Variants in CHD9 observed in about 807,000 individuals in gnomAD.
The protein encoded by CHD9 is ATP-dependent chromatin remodeler CHD9.
In CHD9, 77 loss-of-function variants were observed where a neutral mutation model predicts 316.1. The observed-to-expected ratio is 0.24, with a 90% CI of 0.20 to 0.29. The LOEUF (loss-of-function observed/expected upper bound fraction) is 0.29, where lower values mean the gene tolerates loss of function less well. CHD9 is among the 10% of genes least tolerant of loss of function. CHD9 has a pLI of 1.00. For synonymous variants in CHD9, 1,129 were observed against 1,158.3 expected (o/e 0.97, Z 0.51); for missense variants, 2,763 against 3,438.1 (o/e 0.80, Z 4.91).
chr16:53,213,548 G>A (rs1338453151), intron 3 of CHD9, among the ~76,000 whole-genome samples: 1 of 152,080 alleles, frequency 6.6e-6, no homozygotes, highest in Non-Finnish European at 1.5e-5. Context: ...CAGAAATGGA[G>A]GCTAATCCAT....
At chr16:53,287,861 T>C in intron 26 of CHD9, 96 bp from the exon 27 acceptor site, 5 of 1,031,900 alleles carry the variant, frequency 4.8e-6, no homozygotes, top group Non-Finnish European at 7.6e-6. Flanking sequence ...AGTCTGACTT[T>C]TAAAACAAAC....
intron 36 of CHD9, among the ~76,000 whole-genome samples, chr16:53,315,556 T>C (rs574939349): frequency 1.3e-5 from 2 of 152,156 alleles, no homozygotes; most frequent in East Asian, 3.9e-4. Flanking sequence ...TCGGCTCACT[T>C]CAACCTCTGC....
chr16:53,153,760 C>G (rs2152741183), intron 1 of CHD9, among the ~76,000 whole-genome samples: 1 of 152,168 alleles, frequency 6.6e-6, no homozygotes, highest in Non-Finnish European at 1.5e-5. Flanking sequence ...TGGTCTCGAA[C>G]TCCTGGGCTT....
intron 1 of CHD9, among the ~76,000 whole-genome samples, chr16:53,105,394 A>G (rs959133128): frequency 1.3e-5 from 2 of 152,118 alleles, no homozygotes; most frequent in African/African-American, 4.8e-5. Flanking sequence ...TTGTGGTAGC[A>G]TACACTTATT....
Position 53,286,152 on chromosome 16 carries a change from T to TA in CHD9, c.5072-73dup, listed in dbSNP as rs1389065893. 4 of 721,464 alleles carry TA rather than the reference T, an allele frequency of 5.5e-6. No homozygotes were observed. The Admixed American group carries it at 9.8e-5, about 18-fold the overall frequency. The allele number at this position is 721,464 out of a possible 1,614,324, so 44.7% of individuals were successfully genotyped here. ...GTCCAGAAATATCATCCACTGTAAA[T>TA]ACGAGGAATGCTTATATGTATACAC... On this transcript the variant is annotated intron_variant, in intron 25 of 38. Coordinates refer to ENST00000447540, the MANE Select transcript of CHD9 (RefSeq NM_001308319.2).
At chr16:53,149,694 G>A (rs2040931056) in intron 1 of CHD9, among the ~76,000 whole-genome samples, 1 of 145,806 alleles carries the variant, frequency 6.9e-6, no homozygotes, top group Admixed American at 6.8e-5. Flanking sequence ...GACTATAGGT[G>A]TGCACCATCA....
intron 1 of CHD9, among the ~76,000 whole-genome samples, chr16:53,081,551 A>G (rs1380545718): frequency 6.6e-6 from 1 of 152,144 alleles, no homozygotes; most frequent in African/African-American, 2.4e-5. Context: ...CTCTATCCAC[A>G]GTGCCAAGCA....
chr16:53,309,285 A>G (rs2056257234), intron 34 of CHD9, among the ~76,000 whole-genome samples: 1 of 152,216 alleles, frequency 6.6e-6, no homozygotes, highest in Admixed American at 6.5e-5. Context: ...CTTAGGGAAT[A>G]CTTACAGAAA....
intron 1 of CHD9, among the ~76,000 whole-genome samples, chr16:53,076,439 G>A (rs149855833): frequency 2.1e-4 from 32 of 152,186 alleles, no homozygotes; most frequent in Non-Finnish European, 4.0e-4. Context: ...GTCAGGCATG[G>A]TGGCAGGCGC....
At chr16:53,183,953 C>CT (rs1024896981) in intron 2 of CHD9, among the ~76,000 whole-genome samples, 8 of 142,356 alleles carry the variant, frequency 5.6e-5, no homozygotes, top group South Asian at 4.4e-4. Context: ...TTTTTTTTTT[C>CT]TTTTTTTTTG....
At chr16:53,202,855 T>C (rs2045580596) in intron 2 of CHD9, among the ~76,000 whole-genome samples, 2 of 152,182 alleles carry the variant, frequency 1.3e-5, no homozygotes, top group Non-Finnish European at 2.9e-5. Flanking sequence ...ACCTTTTAAT[T>C]TGTGAGCATG....
chr16:53,269,996 G>C (rs930926770), intron 22 of CHD9, among the ~76,000 whole-genome samples: 2 of 151,838 alleles, frequency 1.3e-5, no homozygotes, highest in African/African-American at 4.8e-5. Context: ...GTGGGGTCTG[G>C]GGACTTTATT....
chr16:53,232,618 T>C (rs1221918139), intron 10 of CHD9, among the ~76,000 whole-genome samples: 1 of 152,176 alleles, frequency 6.6e-6, no homozygotes, highest in Non-Finnish European at 1.5e-5. Flanking sequence ...GTAAAGTATT[T>C]TGAGATTCTG....
At chr16:53,291,558 A>G (rs1204783142) in intron 27 of CHD9, among the ~76,000 whole-genome samples, 167 bp from the exon 28 acceptor site, 1 of 152,232 alleles carries the variant, frequency 6.6e-6, no homozygotes, top group Non-Finnish European at 1.5e-5. Context: ...TGAAAGGATG[A>G]GAATTGAGAA....
intron 1 of CHD9, among the ~76,000 whole-genome samples, chr16:53,138,731 G>T (rs1421067): frequency 0.27 from 41,761 of 152,070 alleles, 5,830 homozygotes; most frequent in Middle Eastern, 0.29. Flanking sequence ...AGAGCCATTT[G>T]GATTTGTCTA....
chr16:53,153,051 A>G (rs1333232958), intron 1 of CHD9, among the ~76,000 whole-genome samples: 1 of 152,220 alleles, frequency 6.6e-6, no homozygotes, highest in Non-Finnish European at 1.5e-5. Flanking sequence ...ACTACATCAA[A>G]TGCTGCTGAT....
At chr16:53,178,037 A>C (rs141973359) in intron 2 of CHD9, among the ~76,000 whole-genome samples, 14 of 152,344 alleles carry the variant, frequency 9.2e-5, no homozygotes, top group Non-Finnish European at 1.0e-4. Context: ...GAGAGAACAC[A>C]CATAGGGAAT....
At chr16:53,097,545 A>G (rs56323977) in intron 1 of CHD9, among the ~76,000 whole-genome samples, 5,824 of 152,204 alleles carry the variant, frequency 0.038, 154 homozygotes, top group Middle Eastern at 0.061. Flanking sequence ...GATTACAGGC[A>G]TGAGCCACCG....
At chr16:53,263,203 T>G in intron 20 of CHD9, 106 bp downstream of exon 20, 1 of 739,430 alleles carries the variant, frequency 1.4e-6, no homozygotes, top group Non-Finnish European at 2.2e-6. Context: ...AACAAATTTC[T>G]AGATATATAA....
Sources: allele counts gnomAD v4.1 joint callset (sites outside exome capture counted in the v4.1 genomes callset), GRCh38; gene constraint gnomAD v4.1.1; transcripts MANE v1.5; gene names NCBI Gene and HGNC (gene_info 2026-07-23, HGNC 2026-07-21).